Variants in WWOX observed in about 807,000 individuals in gnomAD.
WWOX encodes the protein WW domain-containing oxidoreductase.
A neutral mutation model predicts 46.2 loss-of-function variants in WWOX; 69 were observed. The ratio of observed to expected loss-of-function variants is 1.49; its 90% confidence interval spans 1.23 to 1.82. The LOEUF (loss-of-function observed/expected upper bound fraction) is 1.82. WWOX is among the 40% of genes most tolerant of loss of function. The pLI is 0.00. For missense variants in WWOX, 919 were observed against 542.6 expected (o/e 1.69, Z -6.89); for synonymous variants, 359 against 202.6 (o/e 1.77, Z -6.56).
chr16:78,952,533 C>G (rs1248617036), intron 8 of WWOX, among the ~76,000 whole-genome samples: 2 of 151,968 alleles, frequency 1.3e-5, no homozygotes, highest in African/African-American at 4.8e-5. Flanking sequence ...CAGGCATGTA[C>G]CAGCACACCT....
chr16:78,634,049 T>G (rs1261319418), intron 8 of WWOX, among the ~76,000 whole-genome samples: 1 of 152,042 alleles, frequency 6.6e-6, no homozygotes, highest in East Asian at 1.9e-4. Context: ...TTGGACCCTG[T>G]TTTTCATACA....
intron 5 of WWOX, among the ~76,000 whole-genome samples, chr16:78,178,146 G>A (rs1307354112): frequency 1.3e-5 from 2 of 152,168 alleles, no homozygotes; most frequent in Admixed American, 6.5e-5. Flanking sequence ...AATTATACCC[G>A]GAGAGCAGGC....
chr16:78,904,799 C>G (rs890969148), intron 8 of WWOX, among the ~76,000 whole-genome samples: 6 of 152,170 alleles, frequency 3.9e-5, no homozygotes, highest in Admixed American at 3.9e-4. Context: ...TTCTTTTTAT[C>G]AACACTTAGT....
At chr16:78,788,369 T>C (rs2050508527) in intron 8 of WWOX, among the ~76,000 whole-genome samples, 1 of 152,218 alleles carries the variant, frequency 6.6e-6, no homozygotes, top group African/African-American at 2.4e-5. Flanking sequence ...CTCCTGTCCT[T>C]CTTTCACCTG....
chr16:78,212,942 G>A (rs1293480939), intron 5 of WWOX, among the ~76,000 whole-genome samples: 1 of 152,104 alleles, frequency 6.6e-6, no homozygotes, highest in African/African-American at 2.4e-5. Context: ...CAGATGGGAG[G>A]TAAGGGGCTG....
intron 8 of WWOX, among the ~76,000 whole-genome samples, chr16:79,039,396 A>G (rs753663846): frequency 4.5e-4 from 69 of 152,114 alleles, no homozygotes; most frequent in South Asian, 1.0e-3. Flanking sequence ...CCCTTCCCCC[A>G]TAGGAAGTCA....
At chr16:78,773,901 A>G (rs1209818847) in intron 8 of WWOX, among the ~76,000 whole-genome samples, 1 of 152,216 alleles carries the variant, frequency 6.6e-6, no homozygotes, top group East Asian at 1.9e-4. Context: ...TGGGAGATCC[A>G]GAATTGGAAT....
chr16:78,518,318 G>A lies in WWOX; in HGVS notation c.1056+85566G>A, dbSNP rs557679715. Among the ~76,000 whole-genome samples, 22 of 152,120 alleles carry A rather than the reference G, an allele frequency of 1.4e-4. No individual in the cohort carries two copies. The East Asian group carries it at 3.1e-3, about 21-fold the overall frequency. ...GTGATCTCAACTCACCGCAGCCTCC[G>A]CCTCCTGGGATCAAGTGATTCTCCT... On this transcript the variant is annotated intron_variant, in intron 8 of 8. Coordinates refer to ENST00000566780, the MANE Select transcript of WWOX (RefSeq NM_016373.4).
At chr16:78,172,697 T>G (rs2035203333) in intron 5 of WWOX, among the ~76,000 whole-genome samples, 1 of 152,126 alleles carries the variant, frequency 6.6e-6, no homozygotes, top group East Asian at 1.9e-4. Flanking sequence ...ACTGCAGAGT[T>G]TTAAAGAGTG....
chr16:78,128,777 A>G (rs1223288312), intron 4 of WWOX, among the ~76,000 whole-genome samples: 3 of 151,534 alleles, frequency 2.0e-5, no homozygotes, highest in East Asian at 3.9e-4. Context: ...GTATCTTGCA[A>G]TATAATGTCT....
chr16:78,681,077 C>T (rs1356658431), intron 8 of WWOX, among the ~76,000 whole-genome samples: 1 of 152,112 alleles, frequency 6.6e-6, no homozygotes, highest in Non-Finnish European at 1.5e-5. Context: ...GGTGAAACCC[C>T]ATCTGTAATA....
At chr16:78,542,312 A>G (rs1055077846) in intron 8 of WWOX, among the ~76,000 whole-genome samples, 1 of 152,134 alleles carries the variant, frequency 6.6e-6, no homozygotes. Context: ...TCTAGATGAC[A>G]TGATGTACCC....
At chr16:78,213,987 C>T (rs1217263733) in intron 5 of WWOX, among the ~76,000 whole-genome samples, 1 of 152,146 alleles carries the variant, frequency 6.6e-6, no homozygotes, top group Non-Finnish European at 1.5e-5. Flanking sequence ...CTTCTAAGCA[C>T]TGAAATGAGA....
intron 8 of WWOX, among the ~76,000 whole-genome samples, chr16:78,730,752 C>G (rs2048951204): frequency 6.6e-6 from 1 of 151,678 alleles, no homozygotes; most frequent in Non-Finnish European, 1.5e-5. Flanking sequence ...AAACCACCAA[C>G]CCAGCCTCAG....
intron 8 of WWOX, among the ~76,000 whole-genome samples, chr16:78,623,734 CAAAA>C (rs10543154): frequency 1.2e-3 from 176 of 141,794 alleles, no homozygotes; most frequent in South Asian, 2.3e-3. Context: ...GACTCTGTCT[CAAAA>C]AAAAAAAAAA....
chr16:78,238,963 GT>G (rs572108676), intron 5 of WWOX, among the ~76,000 whole-genome samples: 1 of 151,954 alleles, frequency 6.6e-6, no homozygotes, highest in Non-Finnish European at 1.5e-5. Flanking sequence ...GCCCCCAAGG[GT>G]TTGATGTGCT....
intron 5 of WWOX, among the ~76,000 whole-genome samples, chr16:78,249,407 A>G (rs1389696188): frequency 6.6e-6 from 1 of 152,206 alleles, no homozygotes; most frequent in Non-Finnish European, 1.5e-5. Flanking sequence ...GCTTAGTGAT[A>G]GTAGCTACCT....
intron 8 of WWOX, among the ~76,000 whole-genome samples, chr16:78,771,225 C>A (rs1192678335): frequency 6.6e-6 from 1 of 152,184 alleles, no homozygotes; most frequent in South Asian, 2.1e-4. Flanking sequence ...TTGAAAAGAT[C>A]GCTCTGGCTG....
chr16:79,175,755 T>C (rs370117223), intron 8 of WWOX, among the ~76,000 whole-genome samples: 9 of 152,308 alleles, frequency 5.9e-5, no homozygotes, highest in East Asian at 3.9e-4. Context: ...GAGTTACTCA[T>C]ACGACTTACA....
Sources: allele counts gnomAD v4.1 joint callset (sites outside exome capture counted in the v4.1 genomes callset), GRCh38; gene constraint gnomAD v4.1.1; transcripts MANE v1.5; gene names NCBI Gene and HGNC (gene_info 2026-07-23, HGNC 2026-07-21).